ARHGEF37: variants seen among roughly 807,000 people sequenced by gnomAD.
ARHGEF37 encodes the protein Rho guanine nucleotide exchange factor (GEF) 37.
A neutral mutation model predicts 71.1 loss-of-function variants in ARHGEF37; 55 were observed. That is an observed-to-expected ratio of 0.77 (90% CI 0.62 to 0.97). The LOEUF is 0.97. Among genes scored for constraint, ARHGEF37 ranks in the 50% least tolerant of loss-of-function variants. The pLI is 0.00. For synonymous variants in ARHGEF37, 327 were observed against 350.6 expected (o/e 0.93, Z 0.75); for missense variants, 765 against 836.8 (o/e 0.91, Z 1.06).
At chr5:149,605,080 A>G (rs907465524) in intron 3 of ARHGEF37, among the ~76,000 whole-genome samples, 2 of 151,772 alleles carry the variant, frequency 1.3e-5, no homozygotes, top group African/African-American at 4.8e-5. Context: ...TACAAAAATT[A>G]GTCGGGCGTG....
intron 4 of ARHGEF37, among the ~76,000 whole-genome samples, chr5:149,611,715 C>A (rs184851028): frequency 1.1e-4 from 16 of 152,338 alleles, no homozygotes; most frequent in Non-Finnish European, 2.4e-4. Context: ...CAATGAATCT[C>A]ACGTATTATA....
Position 149,601,373 on chromosome 5 carries a change from A to G in ARHGEF37, c.310+142A>G, listed in dbSNP as rs907895257. 1.3e-5 allele frequency: 13 copies of G among 1,009,904 alleles called. No individual in the cohort carries two copies. The African/African-American group carries it at 2.0e-4, about 15-fold the overall frequency. 62.6% of individuals were successfully genotyped at this position (1,009,904 alleles called of 1,614,324 possible). On this transcript the variant is annotated intron_variant, in intron 3 of 12. Coordinates refer to ENST00000333677, the MANE Select transcript of ARHGEF37 (RefSeq NM_001001669.3). ...GTTTTGGGGATCTCCAAAACACAAC[A>G]TATCAGAGCCAGCAGGGCCCTCAAA...
intron 1 of ARHGEF37, among the ~76,000 whole-genome samples, chr5:149,565,946 T>C (rs770998528): frequency 6.9e-6 from 1 of 145,218 alleles, no homozygotes; most frequent in Non-Finnish European, 1.5e-5. Flanking sequence ...GCCTCCCAGG[T>C]ACAAGCAATT....
chr5:149,600,671 C>T (rs1161600611), intron 2 of ARHGEF37, among the ~76,000 whole-genome samples: 4 of 148,976 alleles, frequency 2.7e-5, no homozygotes, highest in Admixed American at 6.7e-5. Flanking sequence ...GATGGAGTCT[C>T]GCTCTGTCGC....
At chr5:149,626,996 C>A in intron 10 of ARHGEF37, 80 bp from the exon 11 acceptor site, 1 of 1,467,060 alleles carries the variant, frequency 6.8e-7, no homozygotes, top group Non-Finnish European at 9.3e-7. Flanking sequence ...TCCTGGCTGT[C>A]AAAATGTGAG....
chr5:149,580,852 A>G (rs1046150549), upstream of ARHGEF37, among the ~76,000 whole-genome samples: 7 of 152,182 alleles, frequency 4.6e-5, no homozygotes, highest in African/African-American at 1.7e-4. Context: ...CCGATATGAA[A>G]CTTTACATGC....
Position 149,616,587 on chromosome 5 carries a change from G to A in ARHGEF37, c.479G>A (p.Gly160Asp), listed in dbSNP as rs372847438. 1.8e-5 allele frequency: 29 copies of A among 1,609,252 alleles called. No individual in the cohort carries two copies. The highest frequency in any genetic ancestry group is 2.2e-5 in the Non-Finnish European group (26 of 1,177,532). ...CTCAGGCCGCAAGCTGGATCTTCAGGCCTCAGTTTCTTGCTGGTAATTCCT... is the reference window on the plus strand; with the variant it reads ...CTCAGGCCGCAAGCTGGATCTTCAGACCTCAGTTTCTTGCTGGTAATTCCT... ...EAVVPQAGSSGLSFLLVIPLQ... is the reference protein window; with the variant it reads ...EAVVPQAGSSDLSFLLVIPLQ... The change falls in exon 5 of 13, where the codon GGC becomes GAC. Residue 160 changes from glycine (G) to aspartate (D), a missense_variant. Physicochemically the swap from Gly to Asp is moderately conservative, Grantham distance 94. This residue lies in a region of ARHGEF37 where 201 missense variants were observed against 217.5 expected (regional missense o/e 0.92). Coordinates refer to ENST00000333677, the MANE Select transcript of ARHGEF37 (RefSeq NM_001001669.3).
In ARHGEF37 at chr5:149,633,066, C is replaced by G. The variant is rs573542170; in HGVS notation, c.*875C>G. ...TTCCTGTTTCTGGTTAGAAGGGGAG[C>G]CAGGGGGAACCCCCAGTGGTTTCAG... On this transcript the variant is annotated 3_prime_UTR_variant, in exon 13 of 13. Transcript: ENST00000333677. 6.6e-6 allele frequency: 1 copy of G among 152,648 alleles called. No homozygotes were observed. The highest frequency in any genetic ancestry group is 1.5e-5 in the Non-Finnish European group (1 of 68,100). The allele number at this position is 152,648 out of a possible 1,614,324, so 9.5% of individuals were successfully genotyped here.
In ARHGEF37 at chr5:149,628,973, A is replaced by G; in HGVS notation, c.1818+7A>G. Reference sequence around the variant, plus strand: ...TATTCCCACCATGAACCAGGTGAGTATAGGAGAGGGCTGGGGGCTTGCCTC... The same window carrying G: ...TATTCCCACCATGAACCAGGTGAGTGTAGGAGAGGGCTGGGGGCTTGCCTC... On this transcript the variant is annotated splice_region_variant and intron_variant, in intron 12 of 12. Coordinates refer to ENST00000333677, the MANE Select transcript of ARHGEF37 (RefSeq NM_001001669.3). 1 of 1,610,836 alleles carries G rather than the reference A, an allele frequency of 6.2e-7. No homozygotes were observed. Among genetic ancestry groups the G allele is most frequent in the Non-Finnish European group, 8.5e-7 (1 of 1,179,150 alleles).
At chr5:149,582,036 C>T (rs930079012) in intron 1 of ARHGEF37, among the ~76,000 whole-genome samples, 17 of 152,144 alleles carry the variant, frequency 1.1e-4, no homozygotes, top group African/African-American at 4.1e-4. Context: ...AATAGACAGT[C>T]AAGGCCAGGA....
intron 1 of ARHGEF37, among the ~76,000 whole-genome samples, chr5:149,588,847 C>T (rs1012777982): frequency 3.4e-4 from 51 of 152,224 alleles, no homozygotes; most frequent in Admixed American, 2.0e-3. Flanking sequence ...CCTGCCCAGA[C>T]ATTTTATCTT....
intron 1 of ARHGEF37, among the ~76,000 whole-genome samples, chr5:149,595,808 G>A (rs962740349): frequency 2.0e-5 from 3 of 152,140 alleles, no homozygotes; most frequent in Non-Finnish European, 1.5e-5. Context: ...GACCACATGT[G>A]TAGCATTGAT....
intron 12 of ARHGEF37, 95 bp from the exon 13 acceptor site, chr5:149,631,887 C>T: frequency 1.5e-6 from 2 of 1,300,854 alleles, no homozygotes; most frequent in Non-Finnish European, 2.1e-6. Context: ...GGGACGAGAG[C>T]CAGGTGGATG....
At chr5:149,568,254 T>C (rs568994163) in intron 1 of ARHGEF37, among the ~76,000 whole-genome samples, 74 of 152,222 alleles carry the variant, frequency 4.9e-4, no homozygotes, top group African/African-American at 1.7e-3. Context: ...CTTGAACTCC[T>C]GTGCTCAAAG....
chr5:149,625,969 C>T (rs566464626), intron 10 of ARHGEF37, among the ~76,000 whole-genome samples: 28 of 152,182 alleles, frequency 1.8e-4, no homozygotes, highest in Non-Finnish European at 3.5e-4. Context: ...GCATTTGTGA[C>T]ACCACTGGCT....
intron 1 of ARHGEF37, among the ~76,000 whole-genome samples, chr5:149,576,468 T>C (rs966587002): frequency 6.6e-6 from 1 of 152,228 alleles, no homozygotes; most frequent in Non-Finnish European, 1.5e-5. Context: ...TCTAGCAGAA[T>C]GCCTGGCTTA....
intron 3 of ARHGEF37, among the ~76,000 whole-genome samples, chr5:149,604,667 A>G (rs1464704855): frequency 6.9e-6 from 1 of 145,116 alleles, no homozygotes; most frequent in African/African-American, 2.6e-5. Context: ...CCAGTAAGGC[A>G]GCAACACCAT....
intron 1 of ARHGEF37, among the ~76,000 whole-genome samples, chr5:149,558,162 G>T (rs1762778588): frequency 6.6e-6 from 1 of 152,172 alleles, no homozygotes; most frequent in Non-Finnish European, 1.5e-5. Flanking sequence ...ATGAGCCACT[G>T]TGCTCGGCCC....
At chr5:149,583,123 T>A (rs960863310) in intron 1 of ARHGEF37, among the ~76,000 whole-genome samples, 1 of 152,144 alleles carries the variant, frequency 6.6e-6, no homozygotes, top group Non-Finnish European at 1.5e-5. Context: ...ACACCCCGTT[T>A]TTTTGTTGTT....
Sources: gnomAD v4.1 joint callset for allele counts (sites outside exome capture counted in the v4.1 genomes callset) on GRCh38, gnomAD v4.1.1 for gene constraint, gnomAD v4.1.1 regional missense constraint, MANE v1.5 for transcripts, NCBI Gene and HGNC (gene_info 2026-07-23, HGNC 2026-07-21) for gene names.